Variants in ADGRL3 observed in about 807,000 individuals in gnomAD.
ADGRL3 encodes adhesion G protein-coupled receptor L3, also known as calcium-independent alpha-latrotoxin receptor 3.
Under a neutral mutation model 153.5 loss-of-function variants are expected in ADGRL3, and 62 were observed. The observed-to-expected ratio is 0.40, with a 90% CI of 0.33 to 0.50. The LOEUF (loss-of-function observed/expected upper bound fraction) is 0.50, where lower values mean the gene tolerates loss of function less well. Among genes scored for constraint, ADGRL3 ranks in the 20% least tolerant of loss-of-function variants. ADGRL3 has a pLI of 0.47. For synonymous variants in ADGRL3, 710 were observed against 672.5 expected (o/e 1.06, Z -0.86); for missense variants, 1,641 against 1,859.4 (o/e 0.88, Z 2.16).
At chr4:61,537,994 A>T (rs565815706) in intron 4 of ADGRL3, among the ~76,000 whole-genome samples, 2 of 152,124 alleles carry the variant, frequency 1.3e-5, no homozygotes, top group Admixed American at 6.5e-5. Context: ...GTGAGGATTC[A>T]TTGCCTGAGA....
chr4:61,438,500 T>G (rs2097482502), intron 2 of ADGRL3, among the ~76,000 whole-genome samples: 1 of 151,736 alleles, frequency 6.6e-6, no homozygotes. Flanking sequence ...GAAATGAACT[T>G]ATTTTATTTT....
intron 8 of ADGRL3, among the ~76,000 whole-genome samples, chr4:61,744,517 A>C (rs77307856): frequency 0.087 from 13,235 of 152,132 alleles, 1,220 homozygotes; most frequent in African/African-American, 0.23. Context: ...TGAGACAAAA[A>C]TTCCAGAGGA....
rs181752916 is a variant in ADGRL3 at position 61,936,070 on chromosome 4, C to A, written c.2419+25C>A. The A allele has an allele frequency of 5.0e-6, 8 of 1,607,132 alleles. No individual in the cohort carries two copies. In the African/African-American group the frequency reaches 9.3e-5, roughly 19 times the overall value. Reference sequence around the variant, plus strand: ...GGTAGGTTAGAGTTTATTTTTTAAGCTTGAGGGAATTGAACTTGCATCAGT... The same window carrying A: ...GGTAGGTTAGAGTTTATTTTTTAAGATTGAGGGAATTGAACTTGCATCAGT... On this transcript the variant is annotated intron_variant, in intron 15 of 26. Coordinates refer to ENST00000683033, the MANE Select transcript of ADGRL3 (RefSeq NM_001387552.1).
intron 19 of ADGRL3, among the ~76,000 whole-genome samples, chr4:61,994,923 T>A (rs2099116625): frequency 6.6e-6 from 1 of 151,832 alleles, no homozygotes; most frequent in African/African-American, 2.4e-5. Context: ...TTTCTTTTTT[T>A]TTTTTTTGAG....
intron 12 of ADGRL3, among the ~76,000 whole-genome samples, chr4:61,911,143 A>G (rs975564481): frequency 6.6e-6 from 1 of 152,112 alleles, no homozygotes; most frequent in African/African-American, 2.4e-5. Context: ...TATTGCTGCC[A>G]GCTATTGTTA....
chr4:62,070,789 C>T lies in ADGRL3; in HGVS notation c.4513C>T (p.His1505Tyr). The change falls in exon 27 of 27, where the codon CAT becomes TAT. Residue 1505 changes from histidine to tyrosine, a missense_variant. Physicochemically the swap from His to Tyr is moderately conservative, Grantham distance 83. Transcript: ENST00000683033. ...CTCCAGAAACCACGTCCATCAGCTG[C>T]ATACTTACTACCAGCTAGGTCGCGG... The part of the protein sequence containing the change: ...LGSRNHVHQL[H>Y]TYYQLGRGSS... 6.4e-7 allele frequency: 1 copy of T among 1,551,698 alleles called. No individual in the cohort carries two copies. Among genetic ancestry groups the T allele is most frequent in the Non-Finnish European group, 8.7e-7 (1 of 1,146,972 alleles).
At chr4:61,323,218 G>A (rs74998823) in intron 1 of ADGRL3, among the ~76,000 whole-genome samples, 415 of 152,218 alleles carry the variant, frequency 2.7e-3, no homozygotes, top group African/African-American at 9.7e-3. Context: ...AGGAACCTGG[G>A]CCTGGCCCAG....
intron 4 of ADGRL3, among the ~76,000 whole-genome samples, chr4:61,538,852 G>A (rs2098673134): frequency 6.6e-6 from 1 of 152,186 alleles, no homozygotes; most frequent in African/African-American, 2.4e-5. Flanking sequence ...ACTGGGGGTG[G>A]CTGGGGAAGA....
At chr4:61,551,309 G>T (rs1321945067) in intron 4 of ADGRL3, among the ~76,000 whole-genome samples, 1 of 152,060 alleles carries the variant, frequency 6.6e-6, no homozygotes, top group East Asian at 1.9e-4. Flanking sequence ...TTTGTAGTCA[G>T]TGAAAAAGAA....
At chr4:61,861,758 T>C (rs749680167) in intron 9 of ADGRL3, among the ~76,000 whole-genome samples, 1 of 152,220 alleles carries the variant, frequency 6.6e-6, no homozygotes, top group Non-Finnish European at 1.5e-5. Context: ...CCAAGAAGAT[T>C]TGAAGATTGG....
chr4:61,895,298 T>C (rs1330355213), intron 10 of ADGRL3, among the ~76,000 whole-genome samples: 1 of 152,074 alleles, frequency 6.6e-6, no homozygotes, highest in Non-Finnish European at 1.5e-5. Context: ...AAACCCTGCC[T>C]CTACTAAAAA....
At chr4:61,874,819 T>A (rs1437687266) in intron 9 of ADGRL3, among the ~76,000 whole-genome samples, 5 of 113,574 alleles carry the variant, frequency 4.4e-5, no homozygotes, top group South Asian at 3.0e-4. Context: ...TTTTTTTTTT[T>A]GAGACGGAGT....
chr4:61,665,870 T>C (rs2094775606), intron 5 of ADGRL3, among the ~76,000 whole-genome samples: 1 of 152,136 alleles, frequency 6.6e-6, no homozygotes, highest in Non-Finnish European at 1.5e-5. Flanking sequence ...AAGTGGGAGA[T>C]AAAACATGTA....
chr4:61,856,604 CTTTTTTTTTTTTTT>C (rs1157019252), intron 9 of ADGRL3, among the ~76,000 whole-genome samples: 12 of 15,614 alleles, frequency 7.7e-4, no homozygotes, highest in Non-Finnish European at 1.3e-3. Flanking sequence ...CTCTCTCTCT[CTTTTTTTTTTTTTT>C]TTTTTTTTTT....
At position 61,591,193 on chromosome 4, in the gene ADGRL3, C is replaced by T. The variant is rs146983486; in HGVS notation, c.473+3753C>T. Among the ~76,000 whole-genome samples, 880 of 152,228 alleles carry T rather than the reference C, an allele frequency of 5.8e-3. 7 individuals are homozygous for T. Among genetic ancestry groups the T allele is most frequent in the African/African-American group, 0.02 (828 of 41,544 alleles). On this transcript the variant is annotated intron_variant, in intron 5 of 26. Coordinates refer to ENST00000683033, the MANE Select transcript of ADGRL3 (RefSeq NM_001387552.1). ...AATAAAAGGTTTCATATATTGTATACTTTTTGTCCGGCTTCTCTCATGTAA... is the reference window on the plus strand; with the variant it reads ...AATAAAAGGTTTCATATATTGTATATTTTTTGTCCGGCTTCTCTCATGTAA...
At chr4:61,536,394 G>A (rs138575045) in intron 4 of ADGRL3, among the ~76,000 whole-genome samples, 1 of 152,050 alleles carries the variant, frequency 6.6e-6, no homozygotes, top group Non-Finnish European at 1.5e-5. Flanking sequence ...TATCTACTAG[G>A]CTCATTTGCT....
intron 2 of ADGRL3, among the ~76,000 whole-genome samples, chr4:61,492,111 A>G (rs1439619955): frequency 6.6e-6 from 1 of 152,216 alleles, no homozygotes; most frequent in Non-Finnish European, 1.5e-5. Flanking sequence ...CTATATACCA[A>G]TTCACCATTA....
intron 9 of ADGRL3, among the ~76,000 whole-genome samples, chr4:61,863,529 G>A (rs184208016): frequency 1.8e-3 from 275 of 152,056 alleles, no homozygotes; most frequent in African/African-American, 6.4e-3. Context: ...GAGCCACCGT[G>A]CCCGGCCTGG....
chr4:61,575,823 C>T (rs1000895633), intron 4 of ADGRL3, among the ~76,000 whole-genome samples: 4 of 151,826 alleles, frequency 2.6e-5, no homozygotes, highest in African/African-American at 9.7e-5. Context: ...AAATCCAGAA[C>T]CTTTATTTTA....
Sources: allele counts gnomAD v4.1 joint callset (sites outside exome capture counted in the v4.1 genomes callset), GRCh38; gene constraint gnomAD v4.1.1; transcripts MANE v1.5; gene names NCBI Gene and HGNC (gene_info 2026-07-23, HGNC 2026-07-21).